The following UGT1A3 variants were observed in gnomAD, a reference collection of about 807,000 sequenced individuals.
UGT1A3 encodes UDP-glucuronosyltransferase 1A3.
In UGT1A3, 31 loss-of-function variants were observed where a neutral mutation model predicts 41.0. That is an observed-to-expected ratio of 0.76 (90% CI 0.57 to 1.02). The LOEUF is 1.02. Among genes scored for constraint, UGT1A3 ranks in the 50% least tolerant of loss-of-function variants. The probability of loss-of-function intolerance (pLI) is 0.00; values close to 1 mark genes in which losing one functional copy is unlikely to be tolerated. For synonymous variants in UGT1A3, 262 were observed against 257.6 expected, an observed-to-expected ratio of 1.02 and a Z score of -0.17; for missense variants, 737 against 671.0, an observed-to-expected ratio of 1.10 and a Z score of -1.09.
chr2:233,756,018 C>T (rs900872393), intron 1 of UGT1A3: 6 of 152,198 alleles, frequency 3.9e-5, no homozygotes, highest in African/African-American at 1.4e-4. Context: ...TGTGATATTA[C>T]ACATCCCCCA....
intron 1 of UGT1A3, among the ~76,000 whole-genome samples, chr2:233,749,753 G>C (rs1694269310): frequency 1.3e-5 from 2 of 151,876 alleles, no homozygotes; most frequent in South Asian, 2.1e-4. Flanking sequence ...TAGTGAGTGA[G>C]TTCTTATGAG....
chr2:233,769,729 C>T lies in UGT1A3; in HGVS notation c.1307+1290C>T. The T allele has an allele frequency of 6.8e-6, 10 of 1,468,988 alleles. No homozygotes were observed. Among genetic ancestry groups the T allele is most frequent in the Non-Finnish European group, 9.0e-6 (10 of 1,109,108 alleles). 91.0% of individuals were successfully genotyped at this position (1,468,988 alleles called of 1,614,324 possible). ...TGTTGGCTAGGCACCATGGCACACGCCTGTAGTCCCAGCCACTCTGGAGGC... is the reference window on the plus strand; with the variant it reads ...TGTTGGCTAGGCACCATGGCACACGTCTGTAGTCCCAGCCACTCTGGAGGC... On this transcript the variant is annotated intron_variant, in intron 4 of 4. Transcript: ENST00000482026. This position sits in a 1 kb window ranked among gnomAD's most constrained non-coding sequence, Gnocchi z 4.4.
chr2:233,733,086 T>G (rs2078354195), intron 1 of UGT1A3, among the ~76,000 whole-genome samples: 1 of 152,184 alleles, frequency 6.6e-6, no homozygotes, highest in Admixed American at 6.5e-5. Flanking sequence ...TGAATGGGAG[T>G]TCACTCATGG....
Position 233,729,826 on chromosome 2 carries a change from C to T in UGT1A3, c.700C>T (p.Leu234Phe), listed in dbSNP as rs1653998510. The change falls in exon 1 of 5, where the codon CTT (leucine) becomes TTT (phenylalanine). Residue 234 changes from leucine to phenylalanine, a missense_variant. Coordinates refer to ENST00000482026, the MANE Select transcript of UGT1A3 (RefSeq NM_019093.4). ...CHAFSAPYASLASELFQREVS... is the reference protein window; with the variant it reads ...CHAFSAPYASFASELFQREVS... ...TGCTTTTTCTGCTCCTTATGCAAGC[C>T]TTGCCTCTGAGCTTTTTCAGAGAGA... 6.2e-7 allele frequency: 1 copy of T among 1,613,940 alleles called. No individual in the cohort carries two copies. The highest frequency in any genetic ancestry group is 8.5e-7 in the Non-Finnish European group (1 of 1,179,872).
intron 1 of UGT1A3, chr2:233,752,385 C>T (rs1023364078): frequency 4.6e-5 from 7 of 152,142 alleles, no homozygotes. Context: ...ATCTTTGCAA[C>T]AGAGGAAATG....
rs181203799 is a variant in UGT1A3, at chr2:233,760,152, C to T, written c.868-6882C>T. ...TTCTTTATCTCTGAAAGTGAACTCC[C>T]TGCTACCTTTGTGGACTGACAGCTT... On this transcript the variant is annotated intron_variant, in intron 1 of 4. Transcript: ENST00000482026. 37 of 1,481,016 alleles carry T rather than the reference C, an allele frequency of 2.5e-5. No individual in the cohort carries two copies. The Admixed American group carries it at 2.7e-4, about 11-fold the overall frequency. The allele number at this position is 1,481,016 out of a possible 1,614,324, so 91.7% of individuals were successfully genotyped here. A position where few individuals can be genotyped will look rare whatever the true frequency, so the allele number is the denominator to read the frequency against.
chr2:233,743,981 G>C (rs1692624812), intron 1 of UGT1A3: 1 of 1,297,770 alleles, frequency 7.7e-7, no homozygotes, highest in African/African-American at 1.5e-5. Context: ...CAGCACCCAG[G>C]CGCAGGCCCG....
At chr2:233,755,804 T>G (rs1335569789) in intron 1 of UGT1A3, 3 of 152,158 alleles carry the variant, frequency 2.0e-5, no homozygotes, top group African/African-American at 7.2e-5. Context: ...CATTAGAGAT[T>G]AAAACAGAAT....
chr2:233,751,041 C>T (rs1189631528), intron 1 of UGT1A3, among the ~76,000 whole-genome samples: 2 of 151,832 alleles, frequency 1.3e-5, no homozygotes, highest in African/African-American at 4.9e-5. Flanking sequence ...GCACTGTGTG[C>T]CTGGAAAAGA....
intron 1 of UGT1A3, among the ~76,000 whole-genome samples, chr2:233,735,215 A>G (rs1250944794): frequency 6.6e-6 from 1 of 152,166 alleles, no homozygotes; most frequent in Non-Finnish European, 1.5e-5. Flanking sequence ...GGGTGCATAT[A>G]TATTTAGGAT....
intron 1 of UGT1A3, among the ~76,000 whole-genome samples, chr2:233,734,275 T>G (rs2078506327): frequency 6.6e-6 from 1 of 152,188 alleles, no homozygotes; most frequent in Non-Finnish European, 1.5e-5. Context: ...GTCCAGGAAT[T>G]TATCCATTTC....
chr2:233,747,244 T>C lies in UGT1A3; in HGVS notation c.867+17251T>C, dbSNP rs911449982. The stretch of plus-strand genomic sequence containing the variant: ...CACAGGACCCCAGGTTCCCCTGCTG[T>C]GGCTGGCCACAGGAGTGCTACTCCT... On this transcript the variant is annotated intron_variant, in intron 1 of 4. Coordinates refer to ENST00000482026, the MANE Select transcript of UGT1A3 (RefSeq NM_019093.4). 6 of 1,602,806 alleles carry C rather than the reference T, an allele frequency of 3.7e-6. No homozygotes were observed. The African/African-American group carries it at 5.4e-5, about 14-fold the overall frequency.
chr2:233,756,052 G>C (rs1468615948), intron 1 of UGT1A3: 2 of 152,164 alleles, frequency 1.3e-5, no homozygotes, highest in Non-Finnish European at 2.9e-5. Flanking sequence ...AAACTCCACT[G>C]TACACTTGTG....
chr2:233,769,746 T>G lies in UGT1A3; in HGVS notation c.1307+1307T>G. On this transcript the variant is annotated intron_variant, in intron 4 of 4. Coordinates refer to ENST00000482026, the MANE Select transcript of UGT1A3 (RefSeq NM_019093.4). The surrounding 1 kb of genome is among the most constrained non-coding windows in gnomAD (Gnocchi z 4.4). ...GGCACACGCCTGTAGTCCCAGCCAC[T>G]CTGGAGGCTAAGGCGGGAGGATTGC... 6.9e-7 allele frequency: 1 copy of G among 1,441,832 alleles called. No homozygotes were observed. The highest frequency in any genetic ancestry group is 9.1e-7 in the Non-Finnish European group (1 of 1,095,648). The allele number at this position is 1,441,832 out of a possible 1,614,324, so 89.3% of individuals were successfully genotyped here.
chr2:233,747,345 C>G (rs905208353), intron 1 of UGT1A3: 1 of 1,602,430 alleles, frequency 6.2e-7, no homozygotes, highest in Admixed American at 1.7e-5. Context: ...GGCTCGCATG[C>G]GGGAGGCCGT....
Position 233,769,575 on chromosome 2 carries a change from G to A in UGT1A3, c.1307+1136G>A. On this transcript the variant is annotated intron_variant, in intron 4 of 4. Coordinates refer to ENST00000482026, the MANE Select transcript of UGT1A3 (RefSeq NM_019093.4). The surrounding 1 kb of genome is among the most constrained non-coding windows in gnomAD (Gnocchi z 4.4). ...AGACAGATGTGAAGAGCTGGAGCAT[G>A]TTCAGATGAGAGGAGACGGAACACG... The A allele has an allele frequency of 6.2e-7, 1 of 1,612,906 alleles. No homozygotes were observed. Among genetic ancestry groups the A allele is most frequent in the Middle Eastern group, 1.7e-4 (1 of 6,060 alleles).
intron 1 of UGT1A3, chr2:233,761,042 C>G: frequency 6.2e-7 from 1 of 1,614,180 alleles, no homozygotes; most frequent in Non-Finnish European, 8.5e-7. Flanking sequence ...AGCTCTGCAT[C>G]TGTCTGGCTG....
intron 1 of UGT1A3, chr2:233,760,375 A>T (rs1032753915): frequency 1.2e-6 from 2 of 1,614,042 alleles, no homozygotes; most frequent in Admixed American, 1.7e-5. Context: ...TGCTGGGAAG[A>T]TACTGTTGAT....
intron 1 of UGT1A3, chr2:233,752,584 T>C (rs903855618): frequency 6.6e-6 from 1 of 152,196 alleles, no homozygotes; most frequent in Non-Finnish European, 1.5e-5. Context: ...CATTCCCATC[T>C]CTACAAGATT....
Sources: allele counts gnomAD v4.1 joint callset (sites outside exome capture counted in the v4.1 genomes callset), GRCh38; gene constraint gnomAD v4.1.1; non-coding constraint Gnocchi (gnomAD v3.1); transcripts MANE v1.5; gene names NCBI Gene and HGNC (gene_info 2026-07-23, HGNC 2026-07-21).